RBMS3: variants seen among roughly 807,000 people sequenced by gnomAD.
The protein encoded by RBMS3 is RNA binding motif single stranded interacting protein 3.
Under a neutral mutation model 66.8 loss-of-function variants are expected in RBMS3, and 27 were observed. The observed-to-expected ratio is 0.40, with a 90% CI of 0.30 to 0.56. The LOEUF (loss-of-function observed/expected upper bound fraction) is 0.56. RBMS3 is among the 20% of genes least tolerant of loss of function. The probability of loss-of-function intolerance (pLI) is 0.40; values close to 1 mark genes in which losing one functional copy is unlikely to be tolerated. For synonymous variants in RBMS3, 188 were observed against 183.0 expected (o/e 1.03, Z -0.22); for missense variants, 513 against 549.5 (o/e 0.93, Z 0.66).
At chr3:29,698,610 G>A (rs2149284071) in intron 4 of RBMS3, 3 of 984,982 alleles carry the variant, frequency 3.0e-6, no homozygotes, top group South Asian at 4.7e-5. Context: ...ACCAAAACAC[G>A]AAGGACAAGT....
chr3:29,431,454 A>G (rs964884835), intron 1 of RBMS3, among the ~76,000 whole-genome samples: 2 of 151,806 alleles, frequency 1.3e-5, no homozygotes, highest in East Asian at 3.9e-4. Context: ...CACCATGCCC[A>G]GCTAATTTTT....
chr3:29,422,200 T>C (rs17023467), intron 1 of RBMS3, among the ~76,000 whole-genome samples: 5,872 of 152,238 alleles, frequency 0.039, 383 homozygotes, highest in African/African-American at 0.13. Flanking sequence ...TTAGACACTA[T>C]ACAATGACAA....
At chr3:29,751,622 A>G (rs528060672) in intron 5 of RBMS3, among the ~76,000 whole-genome samples, 71 of 152,340 alleles carry the variant, frequency 4.7e-4, no homozygotes, top group Non-Finnish European at 9.4e-4. Context: ...ATACATAGGT[A>G]TTTTCCTGAT....
At chr3:29,338,787 T>G (rs1000230772) in intron 1 of RBMS3, among the ~76,000 whole-genome samples, 2 of 151,528 alleles carry the variant, frequency 1.3e-5, no homozygotes, top group African/African-American at 2.4e-5. Flanking sequence ...TATAAATAAT[T>G]TATTACTTTT....
chr3:29,491,027 G>T (rs2043522583), intron 3 of RBMS3, among the ~76,000 whole-genome samples: 2 of 152,166 alleles, frequency 1.3e-5, no homozygotes, highest in Admixed American at 1.3e-4. Flanking sequence ...CAAGCATGCT[G>T]ATATCTGTTG....
chr3:29,876,703 T>C (rs377251816), intron 7 of RBMS3, among the ~76,000 whole-genome samples: 2 of 152,034 alleles, frequency 1.3e-5, no homozygotes, highest in East Asian at 3.9e-4. Context: ...AAGAATAGAA[T>C]AGAAATATTC....
intron 6 of RBMS3, among the ~76,000 whole-genome samples, chr3:29,830,113 T>A (rs1467281932): frequency 6.6e-6 from 1 of 152,144 alleles, no homozygotes; most frequent in African/African-American, 2.4e-5. Flanking sequence ...GCTAATTATA[T>A]AGTGCAGATA....
chr3:29,500,730 G>T (rs1245802925), intron 3 of RBMS3, among the ~76,000 whole-genome samples: 1 of 152,002 alleles, frequency 6.6e-6, no homozygotes, highest in Non-Finnish European at 1.5e-5. Context: ...TAAGTAAACT[G>T]TGGTGTTTGC....
chr3:29,357,772 T>C (rs1234915027), intron 1 of RBMS3, among the ~76,000 whole-genome samples: 2 of 152,268 alleles, frequency 1.3e-5, no homozygotes, highest in Admixed American at 6.5e-5. Context: ...CTCATTGTGG[T>C]TTTGATTTGC....
At chr3:29,662,055 C>G (rs2050574092) in intron 4 of RBMS3, among the ~76,000 whole-genome samples, 1 of 152,156 alleles carries the variant, frequency 6.6e-6, no homozygotes, top group South Asian at 2.1e-4. Flanking sequence ...GCTGAATGAT[C>G]TATGCACATT....
intron 6 of RBMS3, among the ~76,000 whole-genome samples, chr3:29,822,690 A>G (rs536780170): frequency 2.2e-4 from 34 of 152,234 alleles, no homozygotes; most frequent in Non-Finnish European, 4.3e-4. Context: ...TACTAGAGAG[A>G]GTGCATGGAG....
Position 30,004,208 on chromosome 3 carries a change from CTTTTTTTTTT to C in RBMS3, c.*352_*361del, listed in dbSNP as rs550404989. ...CAGAATTTTTCTGAAGGTGTAGATACTTTTTTTTTTTTTTTAACAGAAAACCTGATGTCAA... is the reference window on the plus strand; with the variant it reads ...CAGAATTTTTCTGAAGGTGTAGATACTTTTTAACAGAAAACCTGATGTCAA... On this transcript the variant is annotated 3_prime_UTR_variant, in exon 15 of 15. Coordinates refer to ENST00000383767, the MANE Select transcript of RBMS3 (RefSeq NM_001003793.3). The C allele has an allele frequency of 6.8e-6, 1 of 146,844 alleles. No individual in the cohort carries two copies. Among genetic ancestry groups the C allele is most frequent in the African/African-American group, 2.7e-5 (1 of 37,602 alleles). The allele number at this position is 146,844 out of a possible 1,614,324, so 9.1% of individuals were successfully genotyped here.
chr3:29,895,238 T>C (rs970580591), intron 8 of RBMS3, among the ~76,000 whole-genome samples: 20 of 151,646 alleles, frequency 1.3e-4, no homozygotes, highest in African/African-American at 4.3e-4. Context: ...AGATGAATGT[T>C]TTCTTACATA....
chr3:29,432,903 G>A (rs573494155), intron 1 of RBMS3, among the ~76,000 whole-genome samples: 2 of 152,216 alleles, frequency 1.3e-5, no homozygotes, highest in Non-Finnish European at 2.9e-5. Context: ...AAAATCATGT[G>A]GAGCTTTCAG....
At position 29,491,267 on chromosome 3, in the gene RBMS3, C is replaced by T. The variant is rs1405679271; in HGVS notation, c.307+2768C>T. ...TAAAATCCCTATCCACGCTATTTTG[C>T]AACAGCTTATTTAATTTTCTGTTTC... is the stretch of plus-strand genomic sequence containing the variant. On this transcript the variant is annotated intron_variant, in intron 3 of 14. Coordinates refer to ENST00000383767, the MANE Select transcript of RBMS3 (RefSeq NM_001003793.3). Among the ~76,000 whole-genome samples the T allele has an allele frequency of 5.9e-5, 9 of 152,072 alleles. No individual in the cohort carries two copies. The East Asian group carries it at 1.5e-3, about 26-fold the overall frequency.
intron 6 of RBMS3, among the ~76,000 whole-genome samples, chr3:29,800,044 T>A (rs1394659334): frequency 1.3e-5 from 2 of 152,218 alleles, no homozygotes; most frequent in African/African-American, 4.8e-5. Flanking sequence ...CCATGTATAC[T>A]GAATGGCATT....
At chr3:29,483,260 G>C (rs1440952994) in intron 2 of RBMS3, among the ~76,000 whole-genome samples, 1 of 140,860 alleles carries the variant, frequency 7.1e-6, no homozygotes, top group Admixed American at 7.7e-5. Flanking sequence ...AGTGAGCCGA[G>C]ATCGCGTCAC....
intron 5 of RBMS3, among the ~76,000 whole-genome samples, chr3:29,740,945 G>T (rs1182233676): frequency 1.3e-5 from 2 of 151,638 alleles, no homozygotes; most frequent in African/African-American, 4.9e-5. Flanking sequence ...GGAGGCTGAG[G>T]CAGGAGAATC....
intron 4 of RBMS3, among the ~76,000 whole-genome samples, chr3:29,706,354 T>G (rs1450799676): frequency 3.3e-5 from 5 of 152,224 alleles, no homozygotes. Flanking sequence ...ACCCTGATTT[T>G]CTTTGCTATG....
Sources: allele counts gnomAD v4.1 joint callset (sites outside exome capture counted in the v4.1 genomes callset), GRCh38; gene constraint gnomAD v4.1.1; transcripts MANE v1.5; gene names NCBI Gene and HGNC (gene_info 2026-07-23, HGNC 2026-07-21).